Variants in SLC24A4 observed in about 807,000 individuals in gnomAD.
SLC24A4 encodes the protein sodium/potassium/calcium exchanger 4.
In SLC24A4, 53 loss-of-function variants were observed where a neutral mutation model predicts 79.0. That is an observed-to-expected ratio of 0.67 (90% CI 0.54 to 0.84). The LOEUF is 0.84. Ranked by LOEUF, SLC24A4 falls within the 40% of genes least tolerant of loss-of-function variation. SLC24A4 has a pLI of 0.00. For synonymous variants in SLC24A4, 323 were observed against 323.8 expected (o/e 1.00, Z 0.03); for missense variants, 731 against 822.0 (o/e 0.89, Z 1.35).
Position 92,447,360 on chromosome 14 carries a change from C to T in SLC24A4, c.684-11C>T. 6.2e-7 allele frequency: 1 copy of T among 1,614,010 alleles called. No homozygotes were observed. Among genetic ancestry groups the T allele is most frequent in the Non-Finnish European group, 8.5e-7 (1 of 1,179,914 alleles). On this transcript the variant is annotated splice_polypyrimidine_tract_variant and intron_variant, in intron 8 of 16. Transcript: ENST00000532405. ...CCGAGCTCTAACCGCAATCTCCTTT[C>T]TCTCTTTGAGGTGGGAAGGCCTGGT...
At chr14:92,401,377 A>C (rs1890102595) in intron 2 of SLC24A4, among the ~76,000 whole-genome samples, 1 of 152,186 alleles carries the variant, frequency 6.6e-6, no homozygotes, top group South Asian at 2.1e-4. Context: ...CAGCAAATGG[A>C]AGCAAAATGT....
intron 7 of SLC24A4, among the ~76,000 whole-genome samples, chr14:92,444,123 A>G (rs1892656459): frequency 6.6e-6 from 1 of 151,960 alleles, no homozygotes; most frequent in African/African-American, 2.4e-5. Flanking sequence ...TGCCTACCAC[A>G]CCCCCCAAAA....
chr14:92,485,020 C>A, intron 13 of SLC24A4: 6 of 490,866 alleles, frequency 1.2e-5, no homozygotes, highest in Non-Finnish European at 1.6e-5. Context: ...GAGTTTGCAG[C>A]ATGGTTGGTT....
intron 12 of SLC24A4, among the ~76,000 whole-genome samples, chr14:92,468,433 AG>A (rs1365454495): frequency 6.6e-6 from 1 of 152,222 alleles, no homozygotes; most frequent in Non-Finnish European, 1.5e-5. Context: ...ATGGAAATGC[AG>A]GGGACCCAGA....
intron 2 of SLC24A4, among the ~76,000 whole-genome samples, chr14:92,365,439 G>A (rs990955741): frequency 6.6e-5 from 10 of 152,220 alleles, no homozygotes; most frequent in African/African-American, 2.4e-4. Flanking sequence ...GCCAGCCCAG[G>A]AGGGCTTAGG....
chr14:92,445,396 T>A, intron 8 of SLC24A4, 54 bp downstream of exon 8: 4 of 1,575,330 alleles, frequency 2.5e-6, no homozygotes, highest in Non-Finnish European at 3.5e-6. Context: ...GTTTCCAGTA[T>A]CCTTATTTGT....
chr14:92,458,013 C>T lies in SLC24A4; in HGVS notation c.1255+1405C>T, dbSNP rs144019462. Among the ~76,000 whole-genome samples the T allele has an allele frequency of 7.8e-3, 1,193 of 152,318 alleles. 2 individuals carry two copies. The highest frequency in any genetic ancestry group is 0.014 in the African/African-American group (565 of 41,586). On this transcript the variant is annotated intron_variant, in intron 12 of 16. Transcript: ENST00000532405. Reference sequence around the variant, plus strand: ...AAGATGCAGGTTTCATTTAGGATCACGGAGCTTCCCTGGAGTTTCTGGGTT... The same window carrying T: ...AAGATGCAGGTTTCATTTAGGATCATGGAGCTTCCCTGGAGTTTCTGGGTT...
chr14:92,427,162 G>T (rs1891608477), intron 2 of SLC24A4, among the ~76,000 whole-genome samples: 1 of 152,266 alleles, frequency 6.6e-6, no homozygotes, highest in African/African-American at 2.4e-5. Context: ...GACAGGGGCT[G>T]AGGAGGCAGG....
At chr14:92,436,493 T>G (rs1415987427) in intron 3 of SLC24A4, among the ~76,000 whole-genome samples, 1 of 152,224 alleles carries the variant, frequency 6.6e-6, no homozygotes, top group Non-Finnish European at 1.5e-5. Flanking sequence ...CTATGGCTCG[T>G]TTTTGTTTCA....
intron 10 of SLC24A4, chr14:92,451,892 G>C (rs538858385): frequency 1.3e-5 from 2 of 152,724 alleles, no homozygotes; most frequent in Admixed American, 6.5e-5. Context: ...AGAGTTGGGG[G>C]TGATGCCTGG....
At chr14:92,478,439 C>G (rs915480906) in intron 12 of SLC24A4, among the ~76,000 whole-genome samples, 2 of 152,132 alleles carry the variant, frequency 1.3e-5, no homozygotes, top group African/African-American at 4.8e-5. Context: ...TGTCAAATAT[C>G]AAGATATTAA....
At chr14:92,373,931 C>T (rs75211431) in intron 2 of SLC24A4, among the ~76,000 whole-genome samples, 7,208 of 151,648 alleles carry the variant, frequency 0.048, 571 homozygotes, top group African/African-American at 0.16. Flanking sequence ...ATCTACTCAC[C>T]CCCTTCTCAT....
At chr14:92,367,054 T>C (rs751159292) in intron 2 of SLC24A4, among the ~76,000 whole-genome samples, 3 of 152,152 alleles carry the variant, frequency 2.0e-5, no homozygotes, top group Non-Finnish European at 4.4e-5. Flanking sequence ...AGGGAGCAGG[T>C]GGACACCCCG....
chr14:92,344,543 G>C (rs1455878254), intron 2 of SLC24A4, among the ~76,000 whole-genome samples: 1 of 152,176 alleles, frequency 6.6e-6, no homozygotes, highest in Non-Finnish European at 1.5e-5. Flanking sequence ...GAGTTGGGGA[G>C]AGTTTCTGAG....
At chr14:92,391,982 G>C (rs1277441321) in intron 2 of SLC24A4, among the ~76,000 whole-genome samples, 1 of 152,052 alleles carries the variant, frequency 6.6e-6, no homozygotes, top group Non-Finnish European at 1.5e-5. Flanking sequence ...CCAGCTCTAC[G>C]TTCTCCCTCC....
chr14:92,482,562 CACATCGG>C, intron 12 of SLC24A4, 111 bp from the exon 13 acceptor site: 1 of 960,386 alleles, frequency 1.0e-6, no homozygotes, highest in Non-Finnish European at 1.5e-6. Context: ...TGCCTAGAGT[CACATCGG>C]TGGCATTCTC....
rs548550769 is a variant in SLC24A4, at chr14:92,409,636, G to A, written c.242-24276G>A. 2.6e-5 allele frequency among the ~76,000 whole-genome samples: 4 copies of A among 152,208 alleles called. No individual in the cohort carries two copies. The South Asian group carries it at 8.3e-4, about 32-fold the overall frequency. ...GAGTATCCCCAGTCTTCCCTAACAT[G>A]CTCCCCAGGATAGGGCAACCACTCT... is the stretch of plus-strand genomic sequence containing the variant. On this transcript the variant is annotated intron_variant, in intron 2 of 16. Coordinates refer to ENST00000532405, the MANE Select transcript of SLC24A4 (RefSeq NM_153646.4).
intron 2 of SLC24A4, among the ~76,000 whole-genome samples, chr14:92,385,933 G>GCAGGC (rs1374130915): frequency 1.3e-5 from 2 of 152,314 alleles, no homozygotes; most frequent in East Asian, 3.9e-4. Flanking sequence ...TGCCTCTGCG[G>GCAGGC]CAGGCCAGGC....
chr14:92,366,046 GC>G (rs1320374114), intron 2 of SLC24A4, among the ~76,000 whole-genome samples: 3 of 152,208 alleles, frequency 2.0e-5, no homozygotes, highest in Non-Finnish European at 2.9e-5. Flanking sequence ...AATCTGCACA[GC>G]CTTTTGTGGC....
Sources: allele counts gnomAD v4.1 joint callset (sites outside exome capture counted in the v4.1 genomes callset), GRCh38; gene constraint gnomAD v4.1.1; transcripts MANE v1.5; gene names NCBI Gene and HGNC (gene_info 2026-07-23, HGNC 2026-07-21).